Variants in ARHGAP6 observed in about 807,000 individuals in gnomAD.
ARHGAP6 encodes the protein Rho GTPase activating protein 6.
In ARHGAP6, 16 loss-of-function variants were observed where a neutral mutation model predicts 55.7. The observed-to-expected ratio is 0.29, with a 90% CI of 0.19 to 0.44. ARHGAP6 has a LOEUF of 0.44. ARHGAP6 is among the 20% of genes least tolerant of loss of function. The probability of loss-of-function intolerance (pLI) is 1.00; values close to 1 mark genes in which losing one functional copy is unlikely to be tolerated. For synonymous variants in ARHGAP6, 382 were observed against 360.9 expected, an observed-to-expected ratio of 1.06 and a Z score of -0.66; for missense variants, 698 against 808.9, an observed-to-expected ratio of 0.86 and a Z score of 1.66.
intron 1 of ARHGAP6, among the ~76,000 whole-genome samples, chrX:11,479,408 C>T (rs2147835977): frequency 8.9e-6 from 1 of 112,285 alleles, no homozygotes; most frequent in Admixed American, 9.4e-5. Context: ...TGGAGGGTAG[C>T]ATCCCTCTGA....
chrX:11,428,346 C>G (rs112910357), intron 1 of ARHGAP6, among the ~76,000 whole-genome samples: 115 of 111,671 alleles, frequency 1.0e-3, no homozygotes, highest in African/African-American at 3.6e-3. Flanking sequence ...TAGGGTGACC[C>G]GAGTTCCAGG....
chrX:11,544,859 C>A (rs979047107), intron 1 of ARHGAP6, among the ~76,000 whole-genome samples: 5 of 112,604 alleles, frequency 4.4e-5, no homozygotes, highest in Non-Finnish European at 5.6e-5. Context: ...TAACGCAAGT[C>A]TTCTAATAGG....
chrX:11,525,831 G>T (rs983238254), intron 1 of ARHGAP6, among the ~76,000 whole-genome samples: 1 of 110,589 alleles, frequency 9.0e-6, no homozygotes, highest in South Asian at 3.9e-4. Flanking sequence ...ATTAATTTAC[G>T]TCAGGCTCTA....
At chrX:11,404,790 C>A (rs1015321730) in intron 1 of ARHGAP6, among the ~76,000 whole-genome samples, 1 of 111,841 alleles carries the variant, frequency 8.9e-6, no homozygotes, top group African/African-American at 3.3e-5. Context: ...CATGTAGGAA[C>A]GAGTAATTCT....
At chrX:11,619,887 T>C (rs1418240388) in intron 1 of ARHGAP6, among the ~76,000 whole-genome samples, 1 of 112,059 alleles carries the variant, frequency 8.9e-6, no homozygotes, top group Non-Finnish European at 1.9e-5. Flanking sequence ...ACTTCATTCC[T>C]GAGGATTTTC....
intron 1 of ARHGAP6, among the ~76,000 whole-genome samples, chrX:11,475,594 CACAA>C (rs751969728): frequency 1.9e-5 from 2 of 104,609 alleles, no homozygotes; most frequent in Admixed American, 1.0e-4. Flanking sequence ...CACACACACA[CACAA>C]ACACACACAC....
intron 9 of ARHGAP6, among the ~76,000 whole-genome samples, chrX:11,165,552 G>C (rs756150908): frequency 9.0e-6 from 1 of 111,516 alleles, no homozygotes; most frequent in Non-Finnish European, 1.9e-5. Context: ...TGTTAATTCT[G>C]TTCTAGGTGC....
intron 8 of ARHGAP6, among the ~76,000 whole-genome samples, chrX:11,175,141 G>A (rs1475966281): frequency 9.0e-6 from 1 of 111,532 alleles, no homozygotes; most frequent in African/African-American, 3.3e-5. Context: ...ATCCTTCCAA[G>A]GATTCACAGC....
intron 1 of ARHGAP6, chrX:11,427,633 C>G: frequency 2.3e-6 from 2 of 870,870 alleles, no homozygotes; most frequent in Non-Finnish European, 2.8e-6. Context: ...TGGGCTCAGC[C>G]TGGGGTCACG....
At chrX:11,234,352 G>A (rs765793810) in intron 2 of ARHGAP6, among the ~76,000 whole-genome samples, 1 of 112,275 alleles carries the variant, frequency 8.9e-6, no homozygotes, top group African/African-American at 3.2e-5. Flanking sequence ...CTCCATCTTT[G>A]TTCTGTCACT....
At chrX:11,256,036 C>A in intron 1 of ARHGAP6, among the ~76,000 whole-genome samples, 1 of 111,479 alleles carries the variant, frequency 9.0e-6, no homozygotes, top group Middle Eastern at 4.7e-3. Flanking sequence ...CTGGCCCACG[C>A]AGGGACTCAT....
chrX:11,576,997 G>A (rs2051606633), intron 1 of ARHGAP6, among the ~76,000 whole-genome samples: 2 of 111,574 alleles, frequency 1.8e-5, no homozygotes, highest in Non-Finnish European at 3.8e-5. Context: ...CTCTAACTCT[G>A]TTGCTGTCAT....
At chrX:11,406,251 GAC>G (rs889545950) in intron 1 of ARHGAP6, among the ~76,000 whole-genome samples, 3 of 110,854 alleles carry the variant, frequency 2.7e-5, no homozygotes, top group African/African-American at 9.9e-5. Flanking sequence ...GAAAATGTAT[GAC>G]ACAGAGTGGG....
chrX:11,294,853 C>T, intron 1 of ARHGAP6: 3 of 1,210,117 alleles, frequency 2.5e-6, no homozygotes, highest in East Asian at 3.0e-5. Flanking sequence ...GTGAGTAAAA[C>T]ACCCCTTGCA....
At chrX:11,365,712 A>C (rs1370275834) in intron 1 of ARHGAP6, among the ~76,000 whole-genome samples, 1 of 112,579 alleles carries the variant, frequency 8.9e-6, no homozygotes, top group East Asian at 2.8e-4. Context: ...GCAGAAAACC[A>C]TAAAATAATT....
intron 1 of ARHGAP6, among the ~76,000 whole-genome samples, chrX:11,284,721 T>C (rs190332660): frequency 8.9e-6 from 1 of 111,919 alleles, no homozygotes; most frequent in East Asian, 2.8e-4. Context: ...CCTGAGGCAC[T>C]GGGAATTTCC....
chrX:11,180,757 C>T (rs780254862), intron 6 of ARHGAP6, among the ~76,000 whole-genome samples: 2 of 112,176 alleles, frequency 1.8e-5, no homozygotes, highest in Non-Finnish European at 3.8e-5. Context: ...AATGAATACC[C>T]ATCACTGTCC....
intron 1 of ARHGAP6, among the ~76,000 whole-genome samples, chrX:11,548,529 G>C (rs1286669672): frequency 9.0e-6 from 1 of 111,618 alleles, no homozygotes; most frequent in African/African-American, 3.3e-5. Flanking sequence ...TGTTGTGTCT[G>C]ACTTATCTTG....
rs55669123 is a variant in ARHGAP6 at position 11,153,524 on chromosome X, C to CAAAAAAAAAAAAAAA, written c.1907+2990_1907+3004dup. 9.9e-5 allele frequency among the ~76,000 whole-genome samples: 2 copies of CAAAAAAAAAAAAAAA among 20,117 alleles called. 1 individual carries two copies. The highest frequency in any genetic ancestry group is 1.7e-4 in the Non-Finnish European group (2 of 11,670). 17.5% of individuals were successfully genotyped at this position (20,117 alleles called of 115,157 possible). A position where few individuals can be genotyped will look rare whatever the true frequency, so the allele number is the denominator to read the frequency against. ...TGGGTGACAGAGCGAGACTCGATCTCAAAAAAAAAAAAAAAAAAAAAAAAA... is the reference window on the plus strand; with the variant it reads ...TGGGTGACAGAGCGAGACTCGATCTCAAAAAAAAAAAAAAAAAAAAAAAAAAAAAAAAAAAAAAAA... On this transcript the variant is annotated intron_variant, in intron 10 of 12. Transcript: ENST00000337414.
Sources: allele counts gnomAD v4.1 joint callset (sites outside exome capture counted in the v4.1 genomes callset), GRCh38; gene constraint gnomAD v4.1.1; transcripts MANE v1.5; gene names NCBI Gene and HGNC (gene_info 2026-07-23, HGNC 2026-07-21).